Variants in RBBP9 observed in about 807,000 individuals in gnomAD.
RBBP9 encodes the protein serine hydrolase RBBP9.
RBBP9 carries 20 observed loss-of-function variants against 24.2 expected under a neutral mutation model. That is an observed-to-expected ratio of 0.83 (90% CI 0.58 to 1.20). The LOEUF (loss-of-function observed/expected upper bound fraction) is 1.20, where lower values mean the gene tolerates loss of function less well. Ranked by LOEUF, RBBP9 falls within the 50% of genes most tolerant of loss-of-function variation. RBBP9 has a pLI of 0.00. For missense variants in RBBP9, 234 were observed against 233.6 expected (o/e 1.00, Z -0.01); for synonymous variants, 74 against 84.6 (o/e 0.87, Z 0.69).
At chr20:18,494,225 T>C (rs1431526531) in intron 2 of RBBP9, among the ~76,000 whole-genome samples, 162 bp from the exon 3 acceptor site, 3 of 151,872 alleles carry the variant, frequency 2.0e-5, no homozygotes, top group Non-Finnish European at 2.9e-5. Context: ...CAAAGATTTA[T>C]GTATTACTAC....
chr20:18,490,586 G>A (rs530032486), intron 3 of RBBP9, 106 bp from the exon 4 acceptor site: 33 of 736,636 alleles, frequency 4.5e-5, no homozygotes, highest in South Asian at 3.6e-4. Flanking sequence ...CAGAAAGCAC[G>A]TGCTACCTGC....
Position 18,489,514 on chromosome 20 carries a change from G to T in RBBP9, c.*250C>A, listed in dbSNP as rs2148872791. 1 of 367,374 alleles carries T rather than the reference G, an allele frequency of 2.7e-6. No homozygotes were observed. Among genetic ancestry groups the T allele is most frequent in the Non-Finnish European group, 4.9e-6 (1 of 202,888 alleles). The allele number at this position is 367,374 out of a possible 1,614,324, so 22.8% of individuals were successfully genotyped here. A position where few individuals can be genotyped will look rare whatever the true frequency, so the allele number is the denominator to read the frequency against. On this transcript the variant is annotated 3_prime_UTR_variant, in exon 5 of 5. Coordinates refer to ENST00000337227, the MANE Select transcript of RBBP9 (RefSeq NM_006606.3). ...TCTGACTCACTTCGGATAGAGAAGG[G>T]TAGTTAAGCTGTCCTTATGTTTCTT...
chr20:18,494,137 A>G, intron 2 of RBBP9, 74 bp from the exon 3 acceptor site: 3 of 1,168,820 alleles, frequency 2.6e-6, no homozygotes, highest in Non-Finnish European at 3.8e-6. Context: ...CCCACCTTTC[A>G]AACAGGCAAC....
chr20:18,492,096 CAAAAAAAAAAAAAA>C (rs71194242), intron 3 of RBBP9, among the ~76,000 whole-genome samples: 6 of 70,064 alleles, frequency 8.6e-5, no homozygotes, highest in African/African-American at 3.3e-4. Flanking sequence ...GGCTCTGTCT[CAAAAAAAAAAAAAA>C]AAAAAAAAAG....
chr20:18,489,760 C>T lies in RBBP9; in HGVS notation c.*4G>A, dbSNP rs373192733. The T allele has an allele frequency of 1.9e-6, 3 of 1,572,160 alleles. No individual in the cohort carries two copies. Among genetic ancestry groups the T allele is most frequent in the East Asian group, 2.3e-5 (1 of 44,164 alleles). On this transcript the variant is annotated 3_prime_UTR_variant, in exon 5 of 5. Transcript: ENST00000337227. ...GGGATGCAAAATAGCAGAAATCATA[C>T]AGTCTATGCTGGTACTTTCAGCAAA...
intron 2 of RBBP9, among the ~76,000 whole-genome samples, chr20:18,495,338 T>C (rs958701218): frequency 6.8e-6 from 1 of 146,440 alleles, no homozygotes; most frequent in South Asian, 2.2e-4. Flanking sequence ...CAGGGTTAAA[T>C]GGATTAAGGG....
At position 18,495,846 on chromosome 20, in the gene RBBP9, G is replaced by T. The variant is rs777351407; in HGVS notation, c.134C>A (p.Pro45His). The change falls in exon 2 of 5, where the codon CCC becomes CAC. Residue 45 changes from proline to histidine, a missense_variant. Transcript: ENST00000337227. Reference protein sequence around the residue: ...PGFQCLAKNMPDPITARESIW... With the variant: ...PGFQCLAKNMHDPITARESIW... ...ACAAGTTTAAAACTTACTTGGGTCG[G>T]GCATGTTTTTAGCCAAACACTGGAA... 53 of 1,570,352 alleles carry T rather than the reference G, an allele frequency of 3.4e-5. No individual in the cohort carries two copies. Among genetic ancestry groups the T allele is most frequent in the Non-Finnish European group, 4.6e-5 (53 of 1,143,104 alleles).
chr20:18,495,782 T>C (rs943005501), intron 2 of RBBP9, 56 bp downstream of exon 2: 2 of 1,485,298 alleles, frequency 1.3e-6, no homozygotes, highest in African/African-American at 1.4e-5. Flanking sequence ...ACCACAAAAA[T>C]GGTAATATCA....
rs942042366 is a variant in RBBP9, at chr20:18,488,410, TG to T, written c.*1353del. ...CCTCCCAAGAAGCTAGGACTACAGG[TG>T]TGCACCACCATGCCTAGCTAATGTT... On this transcript the variant is annotated 3_prime_UTR_variant, in exon 5 of 5. Transcript: ENST00000337227. The T allele has an allele frequency of 6.6e-6, 1 of 152,046 alleles. No homozygotes were observed. Among genetic ancestry groups the T allele is most frequent in the Non-Finnish European group, 1.5e-5 (1 of 68,078 alleles). 9.4% of individuals were successfully genotyped at this position (152,046 alleles called of 1,614,324 possible). A position where few individuals can be genotyped will look rare whatever the true frequency, so the allele number is the denominator to read the frequency against.
At position 18,493,954 on chromosome 20, in the gene RBBP9, G is replaced by C. The variant is rs760169788; in HGVS notation, c.248+4C>G. The C allele has an allele frequency of 2.5e-6, 4 of 1,600,326 alleles. No individual in the cohort carries two copies. Among genetic ancestry groups the C allele is most frequent in the Non-Finnish European group, 3.4e-6 (4 of 1,174,492 alleles). On this transcript the variant is annotated splice_donor_region_variant and intron_variant, in intron 3 of 4. Coordinates refer to ENST00000337227, the MANE Select transcript of RBBP9 (RefSeq NM_006606.3). ...AGGGGATAGCAGTTTAACAAAGATC[G>C]CACCTCATGGCCGCGATGGCCCCAG...
chr20:18,495,822 C>A lies in RBBP9; in HGVS notation c.142+16G>T. 1 of 1,546,962 alleles carries A rather than the reference C, an allele frequency of 6.5e-7. No homozygotes were observed. The highest frequency in any genetic ancestry group is 8.9e-7 in the Non-Finnish European group (1 of 1,120,508). On this transcript the variant is annotated intron_variant, in intron 2 of 4. Transcript: ENST00000337227. Reference sequence around the variant, plus strand: ...CCAACAAGATGAGGCTATTTAAAAACAAGTTTAAAACTTACTTGGGTCGGG... The same window carrying A: ...CCAACAAGATGAGGCTATTTAAAAAAAAGTTTAAAACTTACTTGGGTCGGG...
chr20:18,489,667 G>A lies in RBBP9; in HGVS notation c.*97C>T, dbSNP rs576908661. On this transcript the variant is annotated 3_prime_UTR_variant, in exon 5 of 5. Transcript: ENST00000337227. ...TTGTGTTTGTTTTTCAGGCACTTACGGAACTTAACTGGATGTTCTATGTGT... is the reference window on the plus strand; with the variant it reads ...TTGTGTTTGTTTTTCAGGCACTTACAGAACTTAACTGGATGTTCTATGTGT... 32 of 761,326 alleles carry A rather than the reference G, an allele frequency of 4.2e-5. No homozygotes were observed. Among genetic ancestry groups the A allele is most frequent in the East Asian group, 1.3e-4 (5 of 37,066 alleles). The allele number at this position is 761,326 out of a possible 1,614,324, so 47.2% of individuals were successfully genotyped here.
Position 18,489,936 on chromosome 20 carries a change from A to G in RBBP9, c.389T>C (p.Ile130Thr). ...WEKIKANCPYIVQFGSTDDPF... is the reference protein window; with the variant it reads ...WEKIKANCPYTVQFGSTDDPF... ...GTCGTCAGTAGAGCCAAACTGCACA[A>G]TGTAAGGGCAGTTGGCCTTGATCTT... Residue 130 changes from isoleucine (I) to threonine (T), a missense_variant, in exon 5 of 5, where the codon ATT (isoleucine) becomes ACT (threonine). Physicochemically the swap from Ile to Thr is moderately conservative, Grantham distance 89. Coordinates refer to ENST00000337227, the MANE Select transcript of RBBP9 (RefSeq NM_006606.3). The G allele has an allele frequency of 1.9e-6, 3 of 1,611,988 alleles. No individual in the cohort carries two copies. The highest frequency in any genetic ancestry group is 2.5e-6 in the Non-Finnish European group (3 of 1,178,296).
chr20:18,495,801 C>A lies in RBBP9; in HGVS notation c.142+37G>T, dbSNP rs767731630. ...CAAAAATGGTAATATCAAAACCCAA[C>A]AAGATGAGGCTATTTAAAAACAAGT... On this transcript the variant is annotated intron_variant, in intron 2 of 4. Transcript: ENST00000337227. 2.6e-6 allele frequency: 4 copies of A among 1,526,488 alleles called. No individual in the cohort carries two copies. The South Asian group carries it at 3.4e-5, about 13-fold the overall frequency. 94.6% of individuals were successfully genotyped at this position (1,526,488 alleles called of 1,614,324 possible). A position where few individuals can be genotyped will look rare whatever the true frequency, so the allele number is the denominator to read the frequency against.
At chr20:18,491,701 C>T (rs2059866235) in intron 3 of RBBP9, among the ~76,000 whole-genome samples, 1 of 152,076 alleles carries the variant, frequency 6.6e-6, no homozygotes, top group South Asian at 2.1e-4. Flanking sequence ...TTTCAAGGGG[C>T]CTTTGTGCCA....
intron 2 of RBBP9, among the ~76,000 whole-genome samples, 167 bp downstream of exon 2, chr20:18,495,671 T>C (rs1335644911): frequency 6.7e-6 from 1 of 150,072 alleles, no homozygotes; most frequent in Non-Finnish European, 1.5e-5. Flanking sequence ...AAGAATTTTC[T>C]ATGGCTTTTG....
At chr20:18,496,078 C>CTCT (rs1368872828) in intron 1 of RBBP9, among the ~76,000 whole-genome samples, 198 bp from the exon 2 acceptor site, 1 of 152,262 alleles carries the variant, frequency 6.6e-6, no homozygotes, top group Non-Finnish European at 1.5e-5. Flanking sequence ...CTGCTGATCT[C>CTCT]TATAGAGAGA....
chr20:18,495,723 T>C, intron 2 of RBBP9, 115 bp downstream of exon 2: 2 of 912,644 alleles, frequency 2.2e-6, no homozygotes, highest in South Asian at 1.6e-5. Flanking sequence ...TATTCTTTCT[T>C]AGGTATATAG....
In RBBP9 at chr20:18,489,824, C is replaced by T. The variant is rs908179846; in HGVS notation, c.501G>A (p.Gln167=). The T allele has an allele frequency of 6.2e-7, 1 of 1,613,932 alleles. No individual in the cohort carries two copies. The highest frequency in any genetic ancestry group is 8.5e-7 in the Non-Finnish European group (1 of 1,179,948). The change falls in exon 5 of 5, where the codon CAG becomes CAA. Residue 167 remains glutamine, a synonymous_variant. Coordinates refer to ENST00000337227, the MANE Select transcript of RBBP9 (RefSeq NM_006606.3). ...TAATCAGTTCATGAAACTCTGTGTT[C>T]TGAAAGTGGCCACAGTCAGTGAATT... is the stretch of plus-strand genomic sequence containing the variant. ...LHKFTDCGHF[Q]NTEFHELITV...
Sources: gnomAD v4.1 joint callset for allele counts (sites outside exome capture counted in the v4.1 genomes callset) on GRCh38, gnomAD v4.1.1 for gene constraint, MANE v1.5 for transcripts, NCBI Gene and HGNC (gene_info 2026-07-23, HGNC 2026-07-21) for gene names.